Variants in PIK3CB observed in about 807,000 individuals in gnomAD.
PIK3CB encodes the protein phosphatidylinositol 4,5-bisphosphate 3-kinase catalytic subunit beta isoform.
A neutral mutation model predicts 136.8 loss-of-function variants in PIK3CB; 39 were observed. The observed-to-expected ratio is 0.29, with a 90% CI of 0.22 to 0.37. The LOEUF (loss-of-function observed/expected upper bound fraction) is 0.37, where lower values mean the gene tolerates loss of function less well. Ranked by LOEUF, PIK3CB falls within the 10% of genes least tolerant of loss-of-function variation. PIK3CB has a pLI of 1.00. For missense variants in PIK3CB, 868 were observed against 1,275.4 expected (o/e 0.68, Z 4.87); for synonymous variants, 428 against 436.6 (o/e 0.98, Z 0.25).
intron 16 of PIK3CB, among the ~76,000 whole-genome samples, chr3:138,686,546 A>C (rs1433433292): frequency 6.6e-6 from 1 of 152,232 alleles, no homozygotes; most frequent in Non-Finnish European, 1.5e-5. Context: ...TAACAACTTC[A>C]GCCACGCATA....
rs901599992 is a variant in PIK3CB at position 138,653,737 on chromosome 3, C to G, written c.*1652G>C. On this transcript the variant is annotated 3_prime_UTR_variant, in exon 24 of 24. Coordinates refer to ENST00000674063, the MANE Select transcript of PIK3CB (RefSeq NM_006219.3). ...AGCATCTGCCCCATGAACAAGAGCTCCAAAGCAGCAGAGTCTGGCCTTGGC... is the reference window on the plus strand; with the variant it reads ...AGCATCTGCCCCATGAACAAGAGCTGCAAAGCAGCAGAGTCTGGCCTTGGC... 5 of 187,606 alleles carry G rather than the reference C, an allele frequency of 2.7e-5. No homozygotes were observed. Among genetic ancestry groups the G allele is most frequent in the Non-Finnish European group, 5.6e-5 (5 of 89,064 alleles). 11.6% of individuals were successfully genotyped at this position (187,606 alleles called of 1,614,324 possible). A position where few individuals can be genotyped will look rare whatever the true frequency, so the allele number is the denominator to read the frequency against.
Position 138,653,028 on chromosome 3 carries a change from C to T in PIK3CB, c.*2361G>A. On this transcript the variant is annotated 3_prime_UTR_variant, in exon 24 of 24. Transcript: ENST00000674063. Reference sequence around the variant, plus strand: ...ACAATAAAGTCACTTACCCAGGAATCTAACAAACGATGCATAATATGTAAA... The same window carrying T: ...ACAATAAAGTCACTTACCCAGGAATTTAACAAACGATGCATAATATGTAAA... The T allele has an allele frequency of 1.9e-5, 4 of 207,840 alleles. No homozygotes were observed. Among genetic ancestry groups the T allele is most frequent in the Middle Eastern group, 3.2e-3 (2 of 628 alleles). 12.9% of individuals were successfully genotyped at this position (207,840 alleles called of 1,614,324 possible). A position where few individuals can be genotyped will look rare whatever the true frequency, so the allele number is the denominator to read the frequency against.
At position 138,812,470 on chromosome 3, in the gene PIK3CB, C is replaced by T. The variant is rs536113268; in HGVS notation, c.-121-15903G>A. 2.9e-3 allele frequency among the ~76,000 whole-genome samples: 441 copies of T among 151,644 alleles called. 4 individuals carry two copies. The highest frequency in any genetic ancestry group is 8.5e-3 in the African/African-American group (350 of 41,332). On this transcript the variant is annotated intron_variant, in intron 1 of 23. Transcript: ENST00000674063. Reference sequence around the variant, plus strand: ...CAAACTGGTCTTGAACTCCTGATCTCGTGATCCGCCCACCTCAGCCTTCCA... The same window carrying T: ...CAAACTGGTCTTGAACTCCTGATCTTGTGATCCGCCCACCTCAGCCTTCCA...
chr3:138,815,048 G>A (rs896307079), intron 1 of PIK3CB, among the ~76,000 whole-genome samples: 1 of 147,658 alleles, frequency 6.8e-6, no homozygotes, highest in Non-Finnish European at 1.5e-5. Context: ...GCTGAGGCAG[G>A]AGAATGGCAT....
At chr3:138,784,224 A>G (rs1276963729) in intron 2 of PIK3CB, among the ~76,000 whole-genome samples, 2 of 152,130 alleles carry the variant, frequency 1.3e-5, no homozygotes, top group African/African-American at 2.4e-5. Context: ...CATCTCTACT[A>G]AAACTGCAAA....
chr3:138,756,767 A>T (rs970009867), intron 3 of PIK3CB, among the ~76,000 whole-genome samples: 3 of 152,198 alleles, frequency 2.0e-5, no homozygotes, highest in African/African-American at 7.2e-5. Flanking sequence ...AACAATAATA[A>T]TAATGATAGG....
At chr3:138,702,413 C>T (rs1320570103) in intron 12 of PIK3CB, among the ~76,000 whole-genome samples, 2 of 152,014 alleles carry the variant, frequency 1.3e-5, no homozygotes, top group African/African-American at 2.4e-5. Context: ...TAATAAAAAA[C>T]AAACAAATTG....
intron 1 of PIK3CB, chr3:138,825,305 C>G (rs180762452): frequency 1.2e-5 from 6 of 486,792 alleles, no homozygotes; most frequent in African/African-American, 9.7e-5. Context: ...CTGCTGGTGT[C>G]GGAGAATTTA....
intron 1 of PIK3CB, among the ~76,000 whole-genome samples, chr3:138,819,441 A>G (rs1559891077): frequency 6.6e-6 from 1 of 152,202 alleles, no homozygotes; most frequent in Non-Finnish European, 1.5e-5. Flanking sequence ...TGAACAAACT[A>G]AAGCATAATC....
rs2108733805 is a variant in PIK3CB, at chr3:138,759,203, A to G, written c.141T>C (p.Pro47=). The change falls in exon 3 of 24, where the codon CCT becomes CCC. Residue 47 remains proline (P), a synonymous_variant. Coordinates refer to ENST00000674063, the MANE Select transcript of PIK3CB (RefSeq NM_006219.3). ...PTGIYIQLEV[P]REATISYIKQ... is the part of the protein sequence containing the mutation. ...TAATATAAGAAATGGTAGCTTCCCG[A>G]GGTACCTCCAACTGGATATAAATCC... The G allele has an allele frequency of 6.2e-7, 1 of 1,610,826 alleles. No individual in the cohort carries two copies. Among genetic ancestry groups the G allele is most frequent in the Non-Finnish European group, 8.5e-7 (1 of 1,177,502 alleles).
chr3:138,815,877 G>A (rs935123958), intron 1 of PIK3CB, among the ~76,000 whole-genome samples: 7 of 152,168 alleles, frequency 4.6e-5, no homozygotes, highest in Non-Finnish European at 8.8e-5. Context: ...AAATAATTAC[G>A]CACTTAGCCT....
intron 1 of PIK3CB, among the ~76,000 whole-genome samples, chr3:138,810,340 GTAT>G (rs1354307415): frequency 6.6e-6 from 1 of 152,062 alleles, no homozygotes; most frequent in African/African-American, 2.4e-5. Flanking sequence ...CTTCCAAAAA[GTAT>G]AATATGAAAA....
intron 23 of PIK3CB, among the ~76,000 whole-genome samples, chr3:138,655,804 G>C (rs1241363231): frequency 6.6e-6 from 1 of 152,138 alleles, no homozygotes; most frequent in Non-Finnish European, 1.5e-5. Flanking sequence ...GATGACTCAA[G>C]ACCTACTAAG....
intron 2 of PIK3CB, chr3:138,778,144 G>C: frequency 9.2e-6 from 4 of 434,202 alleles, no homozygotes; most frequent in South Asian, 6.5e-5. Flanking sequence ...CTTGTAGAAG[G>C]CTGGGGCTCA....
intron 4 of PIK3CB, among the ~76,000 whole-genome samples, chr3:138,748,001 A>G (rs2045395535): frequency 6.6e-6 from 1 of 152,098 alleles, no homozygotes; most frequent in Non-Finnish European, 1.5e-5. Context: ...GTGTGCATTT[A>G]TTTTTACCTA....
At chr3:138,755,329 G>C (rs1338033014) in intron 4 of PIK3CB, among the ~76,000 whole-genome samples, 1 of 152,042 alleles carries the variant, frequency 6.6e-6, no homozygotes, top group Non-Finnish European at 1.5e-5. Context: ...ATCCATCAAA[G>C]ATCAATATTT....
intron 1 of PIK3CB, among the ~76,000 whole-genome samples, chr3:138,798,678 T>C (rs562206387): frequency 6.6e-5 from 10 of 152,222 alleles, no homozygotes; most frequent in African/African-American, 1.4e-4. Flanking sequence ...ACAATACATA[T>C]AGATTAGTAA....
At chr3:138,820,834 C>T (rs959027375) in intron 1 of PIK3CB, among the ~76,000 whole-genome samples, 1 of 152,196 alleles carries the variant, frequency 6.6e-6, no homozygotes, top group Non-Finnish European at 1.5e-5. Context: ...AGCATTCAAT[C>T]ATAGGAACGT....
rs1416225278 is a variant in PIK3CB at position 138,655,092 on chromosome 3, A to C, written c.*297T>G. On this transcript the variant is annotated 3_prime_UTR_variant, in exon 24 of 24. Coordinates refer to ENST00000674063, the MANE Select transcript of PIK3CB (RefSeq NM_006219.3). ...TTCTGGGAAGTACCAAATATTAGAA[A>C]AAACAAACAAAAACGGAAACAATCC... 3 of 351,312 alleles carry C rather than the reference A, an allele frequency of 8.5e-6. No individual in the cohort carries two copies. 21.8% of individuals were successfully genotyped at this position (351,312 alleles called of 1,614,324 possible).
Sources: allele counts gnomAD v4.1 joint callset (sites outside exome capture counted in the v4.1 genomes callset), GRCh38; gene constraint gnomAD v4.1.1; transcripts MANE v1.5; gene names NCBI Gene and HGNC (gene_info 2026-07-23, HGNC 2026-07-21).